The following RPS6KA2 variants were observed in gnomAD, a reference collection of about 807,000 sequenced individuals.
RPS6KA2 encodes ribosomal protein S6 kinase alpha-2.
RPS6KA2 carries 42 observed loss-of-function variants against 91.8 expected under a neutral mutation model. The observed-to-expected ratio is 0.46, with a 90% CI of 0.36 to 0.59. The LOEUF (loss-of-function observed/expected upper bound fraction) is 0.59, where lower values mean the gene tolerates loss of function less well. Ranked by LOEUF, RPS6KA2 falls within the 20% of genes least tolerant of loss-of-function variation. RPS6KA2 has a pLI of 0.00. For missense variants in RPS6KA2, 798 were observed against 978.5 expected (o/e 0.82, Z 2.46); for synonymous variants, 414 against 393.6 (o/e 1.05, Z -0.61).
At chr6:166,672,724 G>C (rs866152652) in intron 2 of RPS6KA2, among the ~76,000 whole-genome samples, 8 of 152,208 alleles carry the variant, frequency 5.3e-5, no homozygotes, top group South Asian at 4.1e-4. Flanking sequence ...CCGGCTCACC[G>C]GATGAGAGCA....
chr6:166,641,833 T>G (rs1408108243), intron 2 of RPS6KA2, among the ~76,000 whole-genome samples: 1 of 146,622 alleles, frequency 6.8e-6, no homozygotes, highest in East Asian at 2.0e-4. Flanking sequence ...ACGTTGGATC[T>G]GATGATAATT....
In RPS6KA2 at chr6:166,732,408, C is replaced by G. The variant is rs1583058678; in HGVS notation, c.123+125792G>C. Among the ~76,000 whole-genome samples the G allele has an allele frequency of 6.6e-6, 1 of 152,192 alleles. No individual in the cohort carries two copies. Among genetic ancestry groups the G allele is most frequent in the East Asian group, 1.9e-4 (1 of 5,188 alleles). On this transcript the variant is annotated intron_variant, in intron 2 of 21. Coordinates refer to the RPS6KA2 transcript ENST00000503859. This position sits in a 1 kb window ranked among gnomAD's most constrained non-coding sequence, Gnocchi z 4.0. The stretch of plus-strand genomic sequence containing the variant: ...AGGCTGTTGGAGAGAGCTGGGTCAC[C>G]AAGCCGCACAGCCCAGGCCTTGATA...
rs1778333853 is a variant in RPS6KA2 at position 166,767,204 on chromosome 6, T to C, written c.123+90996A>G. Among the ~76,000 whole-genome samples, 5 of 152,148 alleles carry C rather than the reference T, an allele frequency of 3.3e-5. No individual in the cohort carries two copies. The South Asian group carries it at 1.0e-3, about 31-fold the overall frequency. On this transcript the variant is annotated intron_variant, in intron 2 of 21. Coordinates refer to the RPS6KA2 transcript ENST00000503859. The surrounding 1 kb of genome is among the most constrained non-coding windows in gnomAD (Gnocchi z 4.6). ...ATTTTATCCCCTAGACTCTGCCCAG[T>C]TTTTAATGTCGCCTATCACCTCCCC...
At chr6:166,707,953 A>C (rs1789728949) in intron 2 of RPS6KA2, among the ~76,000 whole-genome samples, 1 of 152,178 alleles carries the variant, frequency 6.6e-6, no homozygotes, top group Non-Finnish European at 1.5e-5. Context: ...TATGTTGCCT[A>C]GGCCGGTCTT....
intron 3 of RPS6KA2, among the ~76,000 whole-genome samples, chr6:166,529,501 C>T (rs1459306439): frequency 6.6e-6 from 1 of 152,034 alleles, no homozygotes; most frequent in Non-Finnish European, 1.5e-5. Context: ...AGCACACCAG[C>T]ATGGCACATG....
intron 10 of RPS6KA2, 109 bp downstream of exon 10, chr6:166,488,724 C>G: frequency 1.3e-6 from 1 of 777,882 alleles, no homozygotes; most frequent in Non-Finnish European, 2.1e-6. Context: ...TTTCAGTGAC[C>G]TTGGTTGGCA....
At chr6:166,724,889 T>C (rs1478111834) in intron 2 of RPS6KA2, among the ~76,000 whole-genome samples, 3 of 152,180 alleles carry the variant, frequency 2.0e-5, no homozygotes, top group African/African-American at 7.2e-5. Flanking sequence ...TCCACTTGCA[T>C]TTTTGGTTTA....
At chr6:166,541,822 T>G (rs1783665521) in intron 1 of RPS6KA2, among the ~76,000 whole-genome samples, 1 of 152,356 alleles carries the variant, frequency 6.6e-6, no homozygotes, top group South Asian at 2.1e-4. Flanking sequence ...TGAGAGCAAA[T>G]GTACCTGAAG....
At position 166,676,371 on chromosome 6, in the gene RPS6KA2, C is replaced by A. The variant is rs568517398; in HGVS notation, c.124-137587G>T. Among the ~76,000 whole-genome samples the A allele has an allele frequency of 3.9e-5, 6 of 152,130 alleles. No homozygotes were observed. In the South Asian group the frequency reaches 1.2e-3, roughly 32 times the overall value. On this transcript the variant is annotated intron_variant, in intron 2 of 21. Transcript: ENST00000503859. ...GGTGCAGCCTGCACAACTGCCTTAT[C>A]CACTTCTCTTCTCCTGAAGGGCTGG...
At chr6:166,475,638 C>T (rs934778331) in intron 10 of RPS6KA2, 4 of 353,844 alleles carry the variant, frequency 1.1e-5, no homozygotes, top group Admixed American at 6.9e-5. Flanking sequence ...ATCCACCTTC[C>T]TAAGCCAGCA....
At chr6:166,685,750 C>T (rs568237757) in intron 2 of RPS6KA2, among the ~76,000 whole-genome samples, 1 of 152,330 alleles carries the variant, frequency 6.6e-6, no homozygotes, top group Admixed American at 6.5e-5. Flanking sequence ...GAGGTTCAAG[C>T]TGGGTTCACA....
intron 2 of RPS6KA2, among the ~76,000 whole-genome samples, chr6:166,763,812 A>C (rs932539309): frequency 6.6e-6 from 1 of 152,190 alleles, no homozygotes; most frequent in Non-Finnish European, 1.5e-5. Flanking sequence ...ACCAACTGCA[A>C]ACGATCCCAG....
At chr6:166,578,966 A>G (rs1248051369) in intron 1 of RPS6KA2, among the ~76,000 whole-genome samples, 2 of 152,246 alleles carry the variant, frequency 1.3e-5, no homozygotes, top group Non-Finnish European at 2.9e-5. Flanking sequence ...GAGAGACCAA[A>G]AAGCCTCTGC....
chr6:166,584,885 T>C (rs1785120692), intron 1 of RPS6KA2, among the ~76,000 whole-genome samples: 1 of 152,232 alleles, frequency 6.6e-6, no homozygotes, highest in Non-Finnish European at 1.5e-5. Context: ...ACTCAGGGTT[T>C]ACAATAACAA....
At chr6:166,769,751 C>A (rs1318337865) in intron 2 of RPS6KA2, among the ~76,000 whole-genome samples, 1 of 152,216 alleles carries the variant, frequency 6.6e-6, no homozygotes, top group Non-Finnish European at 1.5e-5. Context: ...GGATTTGGGA[C>A]CACCTAAAAC....
At chr6:166,469,745 C>T (rs1361468555) in intron 11 of RPS6KA2, 96 bp downstream of exon 11, 1 of 1,116,932 alleles carries the variant, frequency 9.0e-7, no homozygotes, top group African/African-American at 1.5e-5. Context: ...CTACTTGTGA[C>T]CCGGACACTG....
At chr6:166,579,449 C>T (rs184824858) in intron 1 of RPS6KA2, among the ~76,000 whole-genome samples, 5 of 152,094 alleles carry the variant, frequency 3.3e-5, no homozygotes, top group South Asian at 2.1e-4. Flanking sequence ...CCAGAGGTTT[C>T]GGTGGTGGCA....
At chr6:166,824,372 GCCCGGCACTGCCTCAGCAGGTGGCA>G (rs752936489) in intron 2 of RPS6KA2, among the ~76,000 whole-genome samples, 4 of 152,216 alleles carry the variant, frequency 2.6e-5, no homozygotes, top group African/African-American at 7.2e-5. Context: ...TCCCCCTGGT[GCCCGGCACTGCCTCAGCAGGTGGCA>G]CCTGCTGGGG....
Position 166,448,957 on chromosome 6 carries a change from G to C in RPS6KA2, c.1207-108C>G, listed in dbSNP as rs557448217. ...CGAAGAGAGGCACCGACTGTGAACTGAGTGTGTGGAGGCCTGGGAGCTCAT... is the reference window on the plus strand; with the variant it reads ...CGAAGAGAGGCACCGACTGTGAACTCAGTGTGTGGAGGCCTGGGAGCTCAT... On this transcript the variant is annotated intron_variant, in intron 13 of 20. Coordinates refer to ENST00000265678, the MANE Select transcript of RPS6KA2 (RefSeq NM_021135.6). The surrounding 1 kb of genome is among the most constrained non-coding windows in gnomAD (Gnocchi z 4.7). The C allele has an allele frequency of 6.1e-5, 83 of 1,360,504 alleles. No homozygotes were observed. The highest frequency in any genetic ancestry group is 1.1e-4 in the Admixed American group (6 of 53,872). 84.3% of individuals were successfully genotyped at this position (1,360,504 alleles called of 1,614,324 possible). A position where few individuals can be genotyped will look rare whatever the true frequency, so the allele number is the denominator to read the frequency against.
Sources: allele counts gnomAD v4.1 joint callset (sites outside exome capture counted in the v4.1 genomes callset), GRCh38; gene constraint gnomAD v4.1.1; non-coding constraint Gnocchi (gnomAD v3.1); transcripts MANE v1.5; gene names NCBI Gene and HGNC (gene_info 2026-07-23, HGNC 2026-07-21).